NEK4: variants seen among roughly 807,000 people sequenced by gnomAD.
The protein encoded by NEK4 is NIMA related kinase 4, also known as serine/threonine-protein kinase Nek4.
NEK4 carries 86 observed loss-of-function variants against 98.4 expected under a neutral mutation model. The observed-to-expected ratio is 0.87, with a 90% CI of 0.73 to 1.05. The LOEUF (loss-of-function observed/expected upper bound fraction) is 1.05. Among genes scored for constraint, NEK4 ranks in the 50% least tolerant of loss-of-function variants. NEK4 has a pLI of 0.00. For synonymous variants in NEK4, 328 were observed against 342.2 expected (o/e 0.96, Z 0.46); for missense variants, 898 against 950.3 (o/e 0.94, Z 0.72).
In NEK4 at chr3:52,767,548, C is replaced by A. The variant is rs558950695; in HGVS notation, c.360+790G>T. ...CCAACATGGTAAAACCCCATCTCTA[C>A]TAAAAATACAAAAAAAAAAATTAGC... On this transcript the variant is annotated intron_variant, in intron 2 of 15. Coordinates refer to ENST00000233027, the MANE Select transcript of NEK4 (RefSeq NM_003157.6). Among the ~76,000 whole-genome samples, 3 of 138,586 alleles carry A rather than the reference C, an allele frequency of 2.2e-5. No homozygotes were observed. In the Admixed American group the frequency reaches 2.4e-4, roughly 11 times the overall value. The allele number at this position is 138,586 out of a possible 152,430, so 90.9% of individuals were successfully genotyped here. A position where few individuals can be genotyped will look rare whatever the true frequency, so the allele number is the denominator to read the frequency against.
chr3:52,741,236 CAAAAAA>C (rs35123782), intron 13 of NEK4, among the ~76,000 whole-genome samples, 169 bp downstream of exon 13: 1 of 59,602 alleles, frequency 1.7e-5, no homozygotes, highest in East Asian at 5.5e-4. Flanking sequence ...AACTCCGTCT[CAAAAAA>C]AAAAAAAAAA....
intron 2 of NEK4, 38 bp downstream of exon 2, chr3:52,768,300 C>G: frequency 1.3e-6 from 2 of 1,563,250 alleles, no homozygotes; most frequent in South Asian, 1.2e-5. Flanking sequence ...TTCTTGCCAT[C>G]TGGGAACAAG....
In NEK4 at chr3:52,708,541, T is replaced by C. The variant is rs1288768422; in HGVS notation, c.*3236A>G. ...TAATTAAAATTAAAATATAAAACTC[T>C]AAAACTAGCCATGATTCAAAGGTTC... On this transcript the variant is annotated 3_prime_UTR_variant, in exon 16 of 16. Coordinates refer to ENST00000233027, the MANE Select transcript of NEK4 (RefSeq NM_003157.6). 1 of 152,158 alleles carries C rather than the reference T, an allele frequency of 6.6e-6. No individual in the cohort carries two copies. Among genetic ancestry groups the C allele is most frequent in the Non-Finnish European group, 1.5e-5 (1 of 68,016 alleles). 9.4% of individuals were successfully genotyped at this position (152,158 alleles called of 1,614,324 possible).
intron 6 of NEK4, among the ~76,000 whole-genome samples, chr3:52,758,084 C>T (rs1698199409): frequency 6.9e-6 from 1 of 144,568 alleles, no homozygotes; most frequent in Admixed American, 7.4e-5. Context: ...GGGGCTGAGG[C>T]AGGGGAATTG....
chr3:52,713,794 CAAAAAA>C (rs10554436), intron 15 of NEK4, among the ~76,000 whole-genome samples: 3 of 83,342 alleles, frequency 3.6e-5, no homozygotes, highest in African/African-American at 1.4e-4. Flanking sequence ...AACTCCCTCT[CAAAAAA>C]AAAAAAAAAA....
At chr3:52,715,073 C>T (rs922933191) in intron 15 of NEK4, among the ~76,000 whole-genome samples, 5 of 152,190 alleles carry the variant, frequency 3.3e-5, no homozygotes, top group East Asian at 3.9e-4. Flanking sequence ...GGCGGGTCCC[C>T]GGTGAGGCCC....
intron 4 of NEK4, 21 bp from the exon 5 acceptor site, chr3:52,763,645 G>C (rs1298333798): frequency 6.4e-7 from 1 of 1,556,730 alleles, no homozygotes; most frequent in Non-Finnish European, 8.7e-7. Context: ...AAATAATATT[G>C]TAATTATGAC....
intron 6 of NEK4, 44 bp downstream of exon 6, chr3:52,760,751 T>C (rs1698323524): frequency 1.4e-6 from 2 of 1,445,564 alleles, no homozygotes; most frequent in Non-Finnish European, 1.9e-6. Flanking sequence ...CCCATTTTTC[T>C]AAGTGCAGTT....
intron 11 of NEK4, among the ~76,000 whole-genome samples, chr3:52,743,812 GCTAGTA>G (rs1175936247): frequency 6.6e-6 from 1 of 152,192 alleles, no homozygotes; most frequent in Admixed American, 6.6e-5. Context: ...AATGGAAACT[GCTAGTA>G]CTATCTTTAA....
intron 11 of NEK4, 140 bp downstream of exon 11, chr3:52,744,099 T>C (rs2097391382): frequency 1.4e-6 from 1 of 703,514 alleles, no homozygotes; most frequent in East Asian, 2.5e-5. Flanking sequence ...CTAAGAAATT[T>C]CAAAATCTTT....
chr3:52,731,035 T>C (rs1468809092), intron 15 of NEK4, among the ~76,000 whole-genome samples: 2 of 152,224 alleles, frequency 1.3e-5, no homozygotes, highest in Non-Finnish European at 2.9e-5. Flanking sequence ...TAAAATGGTA[T>C]ATTTTATCTC....
chr3:52,750,426 C>G (rs543199345), intron 7 of NEK4, among the ~76,000 whole-genome samples: 3 of 152,004 alleles, frequency 2.0e-5, no homozygotes, highest in African/African-American at 7.2e-5. Flanking sequence ...TATGCACTTG[C>G]AATCCCAGGT....
intron 7 of NEK4, among the ~76,000 whole-genome samples, chr3:52,750,623 T>A (rs1171951907): frequency 6.6e-6 from 1 of 152,052 alleles, no homozygotes; most frequent in African/African-American, 2.4e-5. Context: ...TACAGTATAT[T>A]ATTTGGCAAT....
intron 15 of NEK4, among the ~76,000 whole-genome samples, chr3:52,721,793 T>G (rs567686953): frequency 2.8e-4 from 42 of 150,536 alleles, no homozygotes; most frequent in Non-Finnish European, 5.0e-4. Flanking sequence ...TTACCATGCA[T>G]GTACATGCCC....
At chr3:52,757,150 T>C (rs1427610115) in intron 6 of NEK4, among the ~76,000 whole-genome samples, 2 of 152,196 alleles carry the variant, frequency 1.3e-5, no homozygotes, top group East Asian at 1.9e-4. Flanking sequence ...GTACTGCTGA[T>C]AGGAATGTAA....
Position 52,770,837 on chromosome 3 carries a change from G to GGGCAGTGGGGGCGGCTGTTGA in NEK4, c.-112_-92dup, listed in dbSNP as rs373148621. ...AGAAGCTCGGTTCATGCCCGAGAGGGGGCAGTGGGGGCGGCTGTTGAGGCA... is the reference window on the plus strand; with the variant it reads ...AGAAGCTCGGTTCATGCCCGAGAGGGGGCAGTGGGGGCGGCTGTTGAGGCAGTGGGGGCGGCTGTTGAGGCA... On this transcript the variant is annotated 5_prime_UTR_variant, in exon 1 of 16. Coordinates refer to ENST00000233027, the MANE Select transcript of NEK4 (RefSeq NM_003157.6). 9,149 of 1,130,994 alleles carry GGGCAGTGGGGGCGGCTGTTGA rather than the reference G, an allele frequency of 8.1e-3. 611 individuals carry two copies. In the African/African-American group the frequency reaches 0.12, roughly 15 times the overall value. 70.1% of individuals were successfully genotyped at this position (1,130,994 alleles called of 1,614,324 possible).
At chr3:52,720,345 G>GA (rs200747245) in intron 15 of NEK4, among the ~76,000 whole-genome samples, 138 of 148,862 alleles carry the variant, frequency 9.3e-4, no homozygotes, top group African/African-American at 3.1e-3. Context: ...GAAAGAAGCA[G>GA]AAAAAAAAAA....
intron 15 of NEK4, among the ~76,000 whole-genome samples, chr3:52,717,820 C>T (rs1333044183): frequency 2.0e-5 from 3 of 152,014 alleles, no homozygotes; most frequent in African/African-American, 7.2e-5. Flanking sequence ...GACAGAGTCT[C>T]TCTCTGTCAT....
intron 6 of NEK4, among the ~76,000 whole-genome samples, chr3:52,755,073 CAAAA>C (rs201856002): frequency 2.1e-5 from 1 of 47,024 alleles, no homozygotes; most frequent in African/African-American, 8.2e-5. Flanking sequence ...GACTCCGTCT[CAAAA>C]AAAAAAAAAA....
Sources: gnomAD v4.1 joint callset for allele counts (sites outside exome capture counted in the v4.1 genomes callset) on GRCh38, gnomAD v4.1.1 for gene constraint, MANE v1.5 for transcripts, NCBI Gene and HGNC (gene_info 2026-07-23, HGNC 2026-07-21) for gene names.